The following PIP5KL1 variants were observed in gnomAD, a reference collection of about 807,000 sequenced individuals.
PIP5KL1 encodes the protein phosphatidylinositol 4-phosphate 5-kinase-like protein 1.
Under a neutral mutation model 47.6 loss-of-function variants are expected in PIP5KL1, and 45 were observed. That is an observed-to-expected ratio of 0.94 (90% CI 0.74 to 1.21). The LOEUF (loss-of-function observed/expected upper bound fraction) is 1.21, where lower values mean the gene tolerates loss of function less well. Among genes scored for constraint, PIP5KL1 ranks in the 50% most tolerant of loss-of-function variants. The pLI is 0.00. For missense variants in PIP5KL1, 577 were observed against 547.6 expected, an observed-to-expected ratio of 1.05 and a Z score of -0.54; for synonymous variants, 256 against 234.6, an observed-to-expected ratio of 1.09 and a Z score of -0.84.
chr9:127,925,472 AT>A, intron 8 of PIP5KL1: 1 of 573,662 alleles, frequency 1.7e-6, no homozygotes, highest in Non-Finnish European at 3.0e-6. Context: ...TTTTATTTTT[AT>A]TTTATTTTTT....
chr9:127,927,868 A>G lies in PIP5KL1; in HGVS notation c.435-96T>C. On this transcript the variant is annotated intron_variant, in intron 4 of 9. Transcript: ENST00000388747. This position sits in a 1 kb window ranked among gnomAD's most constrained non-coding sequence, Gnocchi z 5.5. ...ACCTGTGCACGTGGATCTCGCTCCC[A>G]GGTCTCGGCACCGCCTCTCTCGCCT... The G allele has an allele frequency of 6.7e-7, 1 of 1,498,226 alleles. No homozygotes were observed. The highest frequency in any genetic ancestry group is 8.9e-7 in the Non-Finnish European group (1 of 1,129,416). The allele number at this position is 1,498,226 out of a possible 1,614,324, so 92.8% of individuals were successfully genotyped here.
Position 127,922,123 on chromosome 9 carries a change from C to T in PIP5KL1, c.918-9G>A, listed in dbSNP as rs1409971718. The T allele has an allele frequency of 2.0e-6, 3 of 1,480,920 alleles. No individual in the cohort carries two copies. Among genetic ancestry groups the T allele is most frequent in the Non-Finnish European group, 1.8e-6 (2 of 1,113,652 alleles). The allele number at this position is 1,480,920 out of a possible 1,614,324, so 91.7% of individuals were successfully genotyped here. A position where few individuals can be genotyped will look rare whatever the true frequency, so the allele number is the denominator to read the frequency against. On this transcript the variant is annotated splice_polypyrimidine_tract_variant and intron_variant, in intron 9 of 9. Coordinates refer to ENST00000388747, the MANE Select transcript of PIP5KL1 (RefSeq NM_001135219.2). ...GTGCCCCTTGCACAGACCTGGGGGC[C>T]GACAGGAGGGTGAAGCTGCCAGCTC...
intron 9 of PIP5KL1, among the ~76,000 whole-genome samples, chr9:127,924,447 C>T (rs901142088): frequency 2.0e-5 from 3 of 149,100 alleles, no homozygotes; most frequent in South Asian, 2.1e-4. Flanking sequence ...GCCAAGATCG[C>T]GCCACTGTAC....
rs973574116 is a variant in PIP5KL1 at position 127,929,344 on chromosome 9, G to T, written c.228+344C>A. ...AGAGGATGGGCTAGGCCAGCAGGGT[G>T]GGGGTGGGGGTCCCTTTTCAACCAT... On this transcript the variant is annotated intron_variant, in intron 2 of 9. Coordinates refer to ENST00000388747, the MANE Select transcript of PIP5KL1 (RefSeq NM_001135219.2). The surrounding 1 kb of genome is among the most constrained non-coding windows in gnomAD (Gnocchi z 4.0). 6.6e-6 allele frequency among the ~76,000 whole-genome samples: 1 copy of T among 152,076 alleles called. No homozygotes were observed. Among genetic ancestry groups the T allele is most frequent in the Non-Finnish European group, 1.5e-5 (1 of 68,000 alleles).
At position 127,921,673 on chromosome 9, in the gene PIP5KL1, T is replaced by TGCTG. The variant is rs1291168124; in HGVS notation, c.*170_*173dup. 2.3e-6 allele frequency: 2 copies of TGCTG among 881,688 alleles called. No homozygotes were observed. The highest frequency in any genetic ancestry group is 3.4e-6 in the Non-Finnish European group (2 of 595,662). 54.6% of individuals were successfully genotyped at this position (881,688 alleles called of 1,614,324 possible). On this transcript the variant is annotated 3_prime_UTR_variant, in exon 10 of 10. Coordinates refer to ENST00000388747, the MANE Select transcript of PIP5KL1 (RefSeq NM_001135219.2). ...TAAAGTAGGGGAGTCCTTGGCACGA[T>TGCTG]GCTGGGCACGGCACCACCGTCAAAC...
At chr9:127,928,540 A>T in intron 2 of PIP5KL1, 57 bp from the exon 3 acceptor site, 5 of 1,471,586 alleles carry the variant, frequency 3.4e-6, no homozygotes, top group Non-Finnish European at 4.5e-6. Context: ...TGCCTGCCCC[A>T]GGATCTCCAG....
chr9:127,926,906 A>G (rs1311644951), intron 7 of PIP5KL1, among the ~76,000 whole-genome samples: 2 of 152,158 alleles, frequency 1.3e-5, no homozygotes, highest in African/African-American at 4.8e-5. Context: ...AGGAAGGAGG[A>G]TAAGAGCTGC....
chr9:127,927,215 G>GT lies in PIP5KL1; in HGVS notation c.595-8_595-7insA. ...GCATGACGATGAAGTACGTCTGGGG[G>GT]CCGGGACAGGGAGTGAGGGAGGCCG... is the stretch of plus-strand genomic sequence containing the variant. On this transcript the variant is annotated splice_polypyrimidine_tract_variant and splice_region_variant and intron_variant, in intron 6 of 9. Transcript: ENST00000388747. The surrounding 1 kb of genome is among the most constrained non-coding windows in gnomAD (Gnocchi z 5.5). The GT allele has an allele frequency of 6.2e-7, 1 of 1,613,160 alleles. No individual in the cohort carries two copies. Among genetic ancestry groups the GT allele is most frequent in the Non-Finnish European group, 8.5e-7 (1 of 1,179,802 alleles).
At position 127,925,279 on chromosome 9, in the gene PIP5KL1, C is replaced by A; in HGVS notation, c.764-19G>T. Reference sequence around the variant, plus strand: ...TGGGGCCCTGCCGGAGCATCAGTGCCCCCACCTGAGCGCTCATCATGTGCC... The same window carrying A: ...TGGGGCCCTGCCGGAGCATCAGTGCACCCACCTGAGCGCTCATCATGTGCC... On this transcript the variant is annotated intron_variant, in intron 8 of 9. Coordinates refer to ENST00000388747, the MANE Select transcript of PIP5KL1 (RefSeq NM_001135219.2). The A allele has an allele frequency of 6.2e-7, 1 of 1,609,100 alleles. No individual in the cohort carries two copies. The highest frequency in any genetic ancestry group is 1.1e-5 in the South Asian group (1 of 91,028).
Position 127,929,694 on chromosome 9 carries a change from TG to T in PIP5KL1, c.221del (p.Pro74HisfsTer15), listed in dbSNP as rs776829409. On this transcript the variant is annotated frameshift_variant, in exon 2 of 10. Transcript: ENST00000388747. LOFTEE classifies it high-confidence loss of function. This position sits in a 1 kb window ranked among gnomAD's most constrained non-coding sequence, Gnocchi z 4.0. Reference sequence around the variant, plus strand: ...GGACAGATGGGCCACTCACCGTGGGTGGGTGGTCCATGGAGACCTGGGTGGC... The same window carrying T: ...GGACAGATGGGCCACTCACCGTGGGTGGTGGTCCATGGAGACCTGGGTGGC... Reference protein sequence around the residue: ...WAATQVSMDHPPTGPPSRDDF... With the variant: ...WAATQVSMDHXPTGPPSRDDF... 10 of 1,563,142 alleles carry T rather than the reference TG, an allele frequency of 6.4e-6. No homozygotes were observed. In the Admixed American group the frequency reaches 1.8e-4, roughly 29 times the overall value.
intron 9 of PIP5KL1, among the ~76,000 whole-genome samples, chr9:127,923,055 C>G (rs1336753566): frequency 6.6e-6 from 1 of 152,242 alleles, no homozygotes; most frequent in Non-Finnish European, 1.5e-5. Flanking sequence ...GGTTGTGAAG[C>G]AGAAGTTTTG....
In PIP5KL1 at chr9:127,921,714, C is replaced by G; in HGVS notation, c.*133G>C. ...ACCGTCAAACGGGACTGCGCGGTTA[C>G]GGTATTAGTTAGGGGATGCTGCCCT... On this transcript the variant is annotated 3_prime_UTR_variant, in exon 10 of 10. Transcript: ENST00000388747. The G allele has an allele frequency of 8.0e-7, 1 of 1,256,288 alleles. No homozygotes were observed. Among genetic ancestry groups the G allele is most frequent in the Non-Finnish European group, 1.1e-6 (1 of 935,100 alleles). 77.8% of individuals were successfully genotyped at this position (1,256,288 alleles called of 1,614,324 possible). A position where few individuals can be genotyped will look rare whatever the true frequency, so the allele number is the denominator to read the frequency against.
chr9:127,927,124 G>C lies in PIP5KL1; in HGVS notation c.650+29C>G. On this transcript the variant is annotated intron_variant, in intron 7 of 9. Transcript: ENST00000388747. The surrounding 1 kb of genome is among the most constrained non-coding windows in gnomAD (Gnocchi z 5.5). ...TCGGGCCGCGAGTTTCGGCTGGGATGGGGGCCCAAACCTGCTTAGGCCACT... is the reference window on the plus strand; with the variant it reads ...TCGGGCCGCGAGTTTCGGCTGGGATCGGGGCCCAAACCTGCTTAGGCCACT... The C allele has an allele frequency of 6.3e-7, 1 of 1,580,856 alleles. No individual in the cohort carries two copies. The highest frequency in any genetic ancestry group is 8.6e-7 in the Non-Finnish European group (1 of 1,158,028).
At chr9:127,926,795 G>A (rs1223345465) in intron 7 of PIP5KL1, among the ~76,000 whole-genome samples, 2 of 152,232 alleles carry the variant, frequency 1.3e-5, no homozygotes, top group African/African-American at 2.4e-5. Context: ...TAGAGTCAGC[G>A]CTGGAGGGCA....
chr9:127,929,679 G>A lies in PIP5KL1; in HGVS notation c.228+9C>T, dbSNP rs757246166. The A allele has an allele frequency of 2.6e-6, 4 of 1,546,052 alleles. No individual in the cohort carries two copies. The highest frequency in any genetic ancestry group is 2.4e-5 in the South Asian group (2 of 84,144). The stretch of plus-strand genomic sequence containing the variant: ...GTGTGGAGATTCGTGGGACAGATGG[G>A]CCACTCACCGTGGGTGGGTGGTCCA... On this transcript the variant is annotated intron_variant, in intron 2 of 9. Coordinates refer to ENST00000388747, the MANE Select transcript of PIP5KL1 (RefSeq NM_001135219.2). This position sits in a 1 kb window ranked among gnomAD's most constrained non-coding sequence, Gnocchi z 4.0.
rs1400781557 is a variant in PIP5KL1 at position 127,928,218 on chromosome 9, C to T, written c.281G>A (p.Gly94Asp). 2 of 1,535,200 alleles carry T rather than the reference C, an allele frequency of 1.3e-6. No homozygotes were observed. Among genetic ancestry groups the T allele is most frequent in the Non-Finnish European group, 1.8e-6 (2 of 1,141,210 alleles). Reference protein sequence around the residue: ...FSEVLTQVHEGFELGTLAGPA... With the variant: ...FSEVLTQVHEDFELGTLAGPA... ...GCCGGCCAGCGTGCCCAGCTCGAAG[C>T]CCTGCAGGGGAGGAAGAGCCTCCTC... is the stretch of plus-strand genomic sequence containing the variant. Residue 94 changes from glycine (G) to aspartate (D), a missense_variant and splice_region_variant, in exon 4 of 10, where the codon GGC becomes GAC. Transcript: ENST00000388747.
At position 127,929,814 on chromosome 9, in the gene PIP5KL1, GAGGCGCCA is replaced by G; in HGVS notation, c.94_101del (p.Trp32ProfsTer11). 1 of 1,550,606 alleles carries G rather than the reference GAGGCGCCA, an allele frequency of 6.4e-7. No homozygotes were observed. Among genetic ancestry groups the G allele is most frequent in the Non-Finnish European group, 8.7e-7 (1 of 1,147,704 alleles). ...GGCCCAGGCGAGACTGCTTGTCTCG[GAGGCGCCA>G]GAGAAGCCCCCGCCGGCTGGAGGTG... On this transcript the variant is annotated frameshift_variant, in exon 2 of 10. Coordinates refer to ENST00000388747, the MANE Select transcript of PIP5KL1 (RefSeq NM_001135219.2). LOFTEE classifies it high-confidence loss of function. The surrounding 1 kb of genome is among the most constrained non-coding windows in gnomAD (Gnocchi z 4.0).
At chr9:127,926,751 G>A (rs10760514) in intron 7 of PIP5KL1, among the ~76,000 whole-genome samples, 122,220 of 152,210 alleles carry the variant, frequency 0.8, 50,623 homozygotes, top group Non-Finnish European at 0.91. Context: ...CGGCTTGGGG[G>A]CAGCCAATGG....
At chr9:127,928,356 T>A in intron 3 of PIP5KL1, 77 bp downstream of exon 3, 1 of 1,542,546 alleles carries the variant, frequency 6.5e-7, no homozygotes, top group Non-Finnish European at 8.8e-7. Flanking sequence ...TCACTCCCAC[T>A]GCACAGATGG....
Sources: allele counts gnomAD v4.1 joint callset (sites outside exome capture counted in the v4.1 genomes callset), GRCh38; gene constraint gnomAD v4.1.1; non-coding constraint Gnocchi (gnomAD v3.1); transcripts MANE v1.5; gene names NCBI Gene and HGNC (gene_info 2026-07-23, HGNC 2026-07-21).